TTC4: variants seen among roughly 807,000 people sequenced by gnomAD.
TTC4 encodes the protein tetratricopeptide repeat domain 4, also known as hsp70/Hsp90 co-chaperone CNS1 homolog.
A neutral mutation model predicts 51.9 loss-of-function variants in TTC4; 36 were observed. The observed-to-expected ratio is 0.69, with a 90% CI of 0.53 to 0.92. TTC4 has a LOEUF of 0.92. Among genes scored for constraint, TTC4 ranks in the 40% least tolerant of loss-of-function variants. The pLI, the probability that TTC4 is intolerant of heterozygous loss-of-function variation, is 0.00. For synonymous variants in TTC4, 144 were observed against 164.2 expected (o/e 0.88, Z 0.94); for missense variants, 399 against 454.6 (o/e 0.88, Z 1.11).
intron 8 of TTC4, 36 bp from the exon 9 acceptor site, chr1:54,737,546 T>C: frequency 6.2e-7 from 1 of 1,606,040 alleles, no homozygotes; most frequent in Non-Finnish European, 8.5e-7. Flanking sequence ...GCCGAAGCCT[T>C]TATCTCTGAC....
intron 5 of TTC4, among the ~76,000 whole-genome samples, chr1:54,726,946 T>G (rs964533014): frequency 1.3e-5 from 2 of 151,670 alleles, no homozygotes; most frequent in Non-Finnish European, 2.9e-5. Flanking sequence ...CTAATTTCAG[T>G]GCAATCTGTA....
At position 54,722,681 on chromosome 1, in the gene TTC4, T is replaced by TA. The variant is rs764385154; in HGVS notation, c.477dup (p.Cys160MetfsTer16). ...AGGGTTCTGGGTTCTGCAGGTGCCT[T>TA]ATGCCATCTGGAACTGAAACACTTT... On this transcript the variant is annotated frameshift_variant, in exon 5 of 10. Transcript: ENST00000371281. LOFTEE classifies it high-confidence loss of function. 6.2e-7 allele frequency: 1 copy of TA among 1,613,870 alleles called. No homozygotes were observed. The highest frequency in any genetic ancestry group is 8.5e-7 in the Non-Finnish European group (1 of 1,179,828).
intron 6 of TTC4, among the ~76,000 whole-genome samples, chr1:54,730,292 T>C (rs1428329551): frequency 6.6e-6 from 1 of 151,994 alleles, no homozygotes; most frequent in Non-Finnish European, 1.5e-5. Context: ...TTTTTTTTTT[T>C]TTTTTGGTTC....
At chr1:54,721,075 T>C in intron 3 of TTC4, 88 bp from the exon 4 acceptor site, 3 of 1,250,214 alleles carry the variant, frequency 2.4e-6, no homozygotes, top group Non-Finnish European at 3.5e-6. Context: ...CCCAGGATTG[T>C]ACAAGAGTGT....
intron 3 of TTC4, among the ~76,000 whole-genome samples, chr1:54,718,593 A>C (rs1157904995): frequency 1.3e-5 from 2 of 152,088 alleles, no homozygotes; most frequent in Admixed American, 6.6e-5. Context: ...TTTACAGTAC[A>C]TGTTAACATG....
At chr1:54,738,164 G>A (rs1645969619) in intron 9 of TTC4, among the ~76,000 whole-genome samples, 1 of 152,154 alleles carries the variant, frequency 6.6e-6, no homozygotes. Flanking sequence ...GCCTCCCAAA[G>A]TGCTGGGATT....
intron 6 of TTC4, among the ~76,000 whole-genome samples, chr1:54,730,202 C>T (rs1645848210): frequency 6.6e-6 from 1 of 151,924 alleles, no homozygotes; most frequent in Non-Finnish European, 1.5e-5. Context: ...ATCTAATTCT[C>T]ATTCACAGTG....
At position 54,722,129 on chromosome 1, in the gene TTC4, A is replaced by ATT. The variant is rs11443027; in HGVS notation, c.470-530_470-529dup. ...AGAAAAATGTACATGATAACATGAA[A>ATT]TTTTTTTTTTTTTTTTTGATGGGGG... On this transcript the variant is annotated intron_variant, in intron 4 of 9. Coordinates refer to ENST00000371281, the MANE Select transcript of TTC4 (RefSeq NM_004623.5). Among the ~76,000 whole-genome samples the ATT allele has an allele frequency of 6.6e-3, 964 of 147,048 alleles. 39 individuals carry two copies. In the East Asian group the frequency reaches 0.11, roughly 17 times the overall value.
Position 54,716,654 on chromosome 1 carries a change from A to C in TTC4, c.166A>C (p.Arg56=). ...GAGAGCGCCATCAGAAATTGATCCC[A>C]GGGAGAATCCTGACTTGGCTTGTCT... ...MSRAPSEIDP[R]ENPDLACLQS... is the part of the protein sequence containing the mutation. The change falls in exon 2 of 10, where the codon AGG becomes CGG. Residue 56 remains arginine, a synonymous_variant. Coordinates refer to ENST00000371281, the MANE Select transcript of TTC4 (RefSeq NM_004623.5). 1 of 1,613,868 alleles carries C rather than the reference A, an allele frequency of 6.2e-7. No individual in the cohort carries two copies. Among genetic ancestry groups the C allele is most frequent in the Non-Finnish European group, 8.5e-7 (1 of 1,179,992 alleles).
At position 54,731,513 on chromosome 1, in the gene TTC4, G is replaced by A; in HGVS notation, c.709G>A (p.Ala237Thr). ...KARNIRLSEA[A>T]CEDEDSASEG... is the part of the protein sequence containing the mutation. The stretch of plus-strand genomic sequence containing the variant: ...TAGGAATATCAGGCTCTCAGAAGCT[G>A]CCTGTGAGGATGAAGATTCAGCCTC... The change falls in exon 7 of 10, where the codon GCC becomes ACC. Residue 237 changes from alanine (A) to threonine (T), a missense_variant. Physicochemically the swap from Ala to Thr is moderately conservative, Grantham distance 58. Transcript: ENST00000371281. 2 of 1,613,940 alleles carry A rather than the reference G, an allele frequency of 1.2e-6. No homozygotes were observed. Among genetic ancestry groups the A allele is most frequent in the Non-Finnish European group, 1.7e-6 (2 of 1,179,882 alleles).
chr1:54,720,719 T>C (rs914888166), intron 3 of TTC4, among the ~76,000 whole-genome samples: 5 of 152,188 alleles, frequency 3.3e-5, no homozygotes, highest in Non-Finnish European at 1.5e-5. Flanking sequence ...ATGCTGTAGT[T>C]AACATGCTTT....
At chr1:54,728,521 C>T (rs1303939391) in intron 6 of TTC4, 89 bp downstream of exon 6, 4 of 1,288,464 alleles carry the variant, frequency 3.1e-6, no homozygotes, top group Admixed American at 4.5e-5. Flanking sequence ...GATGCTTTAC[C>T]TGAAGGAATT....
At chr1:54,729,555 A>G (rs1351422647) in intron 6 of TTC4, among the ~76,000 whole-genome samples, 2 of 152,124 alleles carry the variant, frequency 1.3e-5, no homozygotes, top group Non-Finnish European at 2.9e-5. Flanking sequence ...TGTTGTTCCT[A>G]TAACAACAAC....
In TTC4 at chr1:54,731,400, G is replaced by A. The variant is rs1043285349; in HGVS notation, c.682-86G>A. Reference sequence around the variant, plus strand: ...AATAAAAAAATTAGCCAGGCATTATGGTTTCTTTATTTCAGTAAAATGGGT... The same window carrying A: ...AATAAAAAAATTAGCCAGGCATTATAGTTTCTTTATTTCAGTAAAATGGGT... On this transcript the variant is annotated intron_variant, in intron 6 of 9. Transcript: ENST00000371281. 4.7e-6 allele frequency: 6 copies of A among 1,266,914 alleles called. 1 individual carries two copies. In the South Asian group the frequency reaches 9.6e-5, roughly 20 times the overall value. The allele number at this position is 1,266,914 out of a possible 1,614,324, so 78.5% of individuals were successfully genotyped here.
At position 54,742,245 on chromosome 1, in the gene TTC4, C is replaced by A. The variant is rs41297865; in HGVS notation, c.*732C>A. ...AATCTTCTAGCATGTTGGGTTGTTA[C>A]AGAGTATATTTTTGTCTGCAGCTGT... On this transcript the variant is annotated 3_prime_UTR_variant, in exon 10 of 10. Transcript: ENST00000371281. 6.6e-6 allele frequency: 1 copy of A among 152,122 alleles called. No homozygotes were observed. Among genetic ancestry groups the A allele is most frequent in the Non-Finnish European group, 1.5e-5 (1 of 68,070 alleles). The allele number at this position is 152,122 out of a possible 1,614,324, so 9.4% of individuals were successfully genotyped here.
intron 8 of TTC4, 76 bp from the exon 9 acceptor site, chr1:54,737,505 AT>A: frequency 7.2e-7 from 1 of 1,389,298 alleles, no homozygotes; most frequent in Non-Finnish European, 1.0e-6. Context: ...CATCTTTTTA[AT>A]TTTCCCTGGG....
intron 3 of TTC4, among the ~76,000 whole-genome samples, chr1:54,719,120 G>A (rs1277747744): frequency 1.3e-5 from 2 of 152,118 alleles, no homozygotes; most frequent in Admixed American, 6.6e-5. Context: ...GAGACCTACT[G>A]TTTTATTGTC....
intron 8 of TTC4, chr1:54,736,972 C>G (rs7521828): frequency 0.12 from 18,090 of 152,902 alleles, 1,786 homozygotes; most frequent in African/African-American, 0.26. Context: ...CTCCATATTA[C>G]TTGTCCCCAT....
intron 9 of TTC4, among the ~76,000 whole-genome samples, chr1:54,740,122 C>G (rs111493513): frequency 0.021 from 3,163 of 152,260 alleles, 118 homozygotes; most frequent in African/African-American, 0.073. Flanking sequence ...CTGCAGTGAG[C>G]TATGATCACA....
Sources: gnomAD v4.1 joint callset for allele counts (sites outside exome capture counted in the v4.1 genomes callset) on GRCh38, gnomAD v4.1.1 for gene constraint, MANE v1.5 for transcripts, NCBI Gene and HGNC (gene_info 2026-07-23, HGNC 2026-07-21) for gene names.